The following PTPRF variants were observed in gnomAD, a reference collection of about 807,000 sequenced individuals.
The protein encoded by PTPRF is receptor-type tyrosine-protein phosphatase F.
PTPRF carries 59 observed loss-of-function variants against 201.8 expected under a neutral mutation model. The ratio of observed to expected loss-of-function variants is 0.29; its 90% CI spans 0.24 to 0.36. The LOEUF is 0.36. Among genes scored for constraint, PTPRF ranks in the 10% least tolerant of loss-of-function variants. The pLI is 1.00. For synonymous variants in PTPRF, 1,088 were observed against 1,089.7 expected, an observed-to-expected ratio of 1.00 and a Z score of 0.03; for missense variants, 2,132 against 2,690.5, an observed-to-expected ratio of 0.79 and a Z score of 4.59.
intron 23 of PTPRF, among the ~76,000 whole-genome samples, chr1:43,616,319 C>T (rs942299247): frequency 2.6e-5 from 4 of 151,394 alleles, no homozygotes; most frequent in East Asian, 1.9e-4. Flanking sequence ...TCCTCACTAA[C>T]GCTTCGCTAT....
chr1:43,528,410 C>A (rs6669687), upstream of PTPRF, among the ~76,000 whole-genome samples: 406 of 152,188 alleles, frequency 2.7e-3, 1 homozygote, highest in African/African-American at 9.1e-3. Flanking sequence ...AGGCTGGTCT[C>A]GAACTCCTGA....
intron 7 of PTPRF, among the ~76,000 whole-genome samples, chr1:43,584,624 C>G (rs948227572): frequency 6.6e-6 from 1 of 150,758 alleles, no homozygotes; most frequent in Non-Finnish European, 1.5e-5. Context: ...ACATGAGTTT[C>G]TAAATATTCC....
intron 25 of PTPRF, among the ~76,000 whole-genome samples, 184 bp downstream of exon 25, chr1:43,618,095 C>T (rs1008160990): frequency 2.6e-5 from 4 of 152,140 alleles, no homozygotes; most frequent in Non-Finnish European, 4.4e-5. Flanking sequence ...CAGCATGTTC[C>T]CCACATGCTA....
chr1:43,609,900 T>G (rs71636607), intron 22 of PTPRF, among the ~76,000 whole-genome samples: 4,887 of 152,332 alleles, frequency 0.032, 104 homozygotes, highest in Middle Eastern at 0.054. Context: ...ACCAGACATC[T>G]GTGGGGAGAT....
intron 1 of PTPRF, among the ~76,000 whole-genome samples, chr1:43,535,930 C>G (rs1298498719): frequency 6.6e-6 from 1 of 152,128 alleles, no homozygotes. Context: ...GTAGTCCCAC[C>G]TGGCTAATTT....
At chr1:43,615,558 TTTTTTTTTTTTTTTTTTTTTTTTC>T (rs1256646823) in intron 23 of PTPRF, among the ~76,000 whole-genome samples, 4 of 60,506 alleles carry the variant, frequency 6.6e-5, no homozygotes, top group African/African-American at 1.8e-4. Flanking sequence ...TGTCTTTTTT[TTTTTTTTTTTTTTTTTTTTTTTTC>T]TTTTTTGGAA....
At chr1:43,594,966 G>A (rs547275798) in intron 11 of PTPRF, among the ~76,000 whole-genome samples, 7 of 152,182 alleles carry the variant, frequency 4.6e-5, no homozygotes, top group Non-Finnish European at 8.8e-5. Context: ...AGAACTAGAC[G>A]AGATGCTGCT....
intron 7 of PTPRF, among the ~76,000 whole-genome samples, chr1:43,582,205 G>A (rs1218202053): frequency 3.3e-5 from 5 of 152,210 alleles, no homozygotes; most frequent in African/African-American, 4.8e-5. Flanking sequence ...GACAGTACAC[G>A]TGAAGCACCA....
rs1483547386 is a variant in PTPRF at position 43,591,857 on chromosome 1, C to G, written c.1577C>G (p.Thr526Ser). The G allele has an allele frequency of 1.2e-6, 2 of 1,613,370 alleles. No homozygotes were observed. Among genetic ancestry groups the G allele is most frequent in the Admixed American group, 1.7e-5 (1 of 60,002 alleles). ...ADFQAEVESD[T>S]RIQLSWLLPP... ...TTCCAGGCCGAGGTGGAGTCGGACA[C>G]CAGGATCCAGCTCTCGTGGCTGCTG... Residue 526 changes from threonine (T) to serine (S), a missense_variant, in exon 10 of 34, where the codon ACC becomes AGC. Physicochemically the swap from Thr to Ser is moderately conservative, Grantham distance 58. Around this residue, in one of 6 missense-constraint regions of PTPRF, gnomAD observed 351 missense variants for 401.7 expected, o/e 0.87. Transcript: ENST00000359947.
intron 5 of PTPRF, among the ~76,000 whole-genome samples, chr1:43,562,242 G>T (rs1348996388): frequency 6.6e-6 from 1 of 151,938 alleles, no homozygotes; most frequent in African/African-American, 2.4e-5. Context: ...CCGAGCAGCT[G>T]GGACTACAGG....
At chr1:43,536,905 G>A (rs1477803875) in intron 1 of PTPRF, among the ~76,000 whole-genome samples, 1 of 152,190 alleles carries the variant, frequency 6.6e-6, no homozygotes, top group Non-Finnish European at 1.5e-5. Context: ...GGCAGAGGTG[G>A]TTAGTGCAAC....
At chr1:43,600,830 C>G (rs557810229) in intron 13 of PTPRF, among the ~76,000 whole-genome samples, 1 of 152,190 alleles carries the variant, frequency 6.6e-6, no homozygotes, top group Admixed American at 6.5e-5. Flanking sequence ...CCCTGCCATT[C>G]CTCTGACCCC....
intron 6 of PTPRF, among the ~76,000 whole-genome samples, chr1:43,578,450 G>A (rs186201822): frequency 3.3e-5 from 5 of 152,308 alleles, no homozygotes; most frequent in Admixed American, 6.5e-5. Context: ...GTGGGGCTGC[G>A]GGGCCAGGAA....
At chr1:43,585,574 G>GC (rs963101275) in intron 7 of PTPRF, among the ~76,000 whole-genome samples, 14 of 152,206 alleles carry the variant, frequency 9.2e-5, no homozygotes, top group Admixed American at 8.5e-4. Flanking sequence ...AGCTCTCCCT[G>GC]CCCCCTGCAT....
chr1:43,564,325 G>C (rs1646007966), intron 5 of PTPRF, among the ~76,000 whole-genome samples: 1 of 152,158 alleles, frequency 6.6e-6, no homozygotes. Context: ...CTTGGCTTCT[G>C]TGGAGCGGCT....
chr1:43,592,425 A>C (rs368519804), intron 10 of PTPRF, 32 bp from the exon 11 acceptor site: 58 of 1,582,052 alleles, frequency 3.7e-5, no homozygotes, highest in Non-Finnish European at 4.9e-5. Context: ...TTGAGCTCAG[A>C]GCTGTCAGTG....
chr1:43,545,193 T>G (rs1362157260), intron 3 of PTPRF, 27 bp downstream of exon 3: 1 of 1,553,374 alleles, frequency 6.4e-7, no homozygotes, highest in Non-Finnish European at 8.7e-7. Flanking sequence ...AAGGTACAGA[T>G]CTCCCAGGTT....
rs758029519 is a variant in PTPRF, at chr1:43,620,596, A to G, written c.5364+17A>G. The G allele has an allele frequency of 1.2e-6, 2 of 1,612,170 alleles. No homozygotes were observed. The highest frequency in any genetic ancestry group is 1.7e-6 in the Non-Finnish European group (2 of 1,178,864). On this transcript the variant is annotated intron_variant, in intron 31 of 33. Coordinates refer to ENST00000359947, the MANE Select transcript of PTPRF (RefSeq NM_002840.5). ...GATGCCCGGGTGAGTGAGTGCATTGAGTGTGTCCATAACGCTGCCTGTCCA... is the reference window on the plus strand; with the variant it reads ...GATGCCCGGGTGAGTGAGTGCATTGGGTGTGTCCATAACGCTGCCTGTCCA...
intron 7 of PTPRF, among the ~76,000 whole-genome samples, chr1:43,587,555 C>T (rs1649471577): frequency 6.6e-6 from 1 of 152,158 alleles, no homozygotes; most frequent in Non-Finnish European, 1.5e-5. Context: ...GCTGTGTGAG[C>T]AGCATAGTCT....
Sources: allele counts gnomAD v4.1 joint callset (sites outside exome capture counted in the v4.1 genomes callset), GRCh38; gene constraint gnomAD v4.1.1; regional missense constraint gnomAD v4.1.1; transcripts MANE v1.5; gene names NCBI Gene and HGNC (gene_info 2026-07-23, HGNC 2026-07-21).